Variants in CPPED1 observed in about 807,000 individuals in gnomAD.
CPPED1 encodes the protein calcineurin like phosphoesterase domain containing 1, also known as serine/threonine-protein phosphatase CPPED1.
In CPPED1, 28 loss-of-function variants were observed where a neutral mutation model predicts 28.0. The ratio of observed to expected loss-of-function variants is 1.00; its 90% confidence interval spans 0.74 to 1.37. The LOEUF (loss-of-function observed/expected upper bound fraction) is 1.37. CPPED1 is among the 40% of genes most tolerant of loss of function. The probability of loss-of-function intolerance (pLI) is 0.00; values close to 1 mark genes in which losing one functional copy is unlikely to be tolerated. For missense variants in CPPED1, 504 were observed against 416.5 expected (o/e 1.21, Z -1.83); for synonymous variants, 198 against 180.2 (o/e 1.10, Z -0.79).
At chr16:12,766,920 C>T (rs774232093) in intron 2 of CPPED1, among the ~76,000 whole-genome samples, 6 of 152,062 alleles carry the variant, frequency 3.9e-5, no homozygotes, top group Non-Finnish European at 5.9e-5. Context: ...CTGCTATGAG[C>T]GACAGCATTC....
chr16:12,714,815 A>T (rs541270125), intron 2 of CPPED1, among the ~76,000 whole-genome samples: 4 of 152,028 alleles, frequency 2.6e-5, no homozygotes, highest in Admixed American at 6.6e-5. Context: ...CAATTTATCT[A>T]TTTTCTGTTT....
At chr16:12,722,307 C>A (rs1485368946) in intron 2 of CPPED1, among the ~76,000 whole-genome samples, 1 of 152,224 alleles carries the variant, frequency 6.6e-6, no homozygotes, top group Non-Finnish European at 1.5e-5. Context: ...ATATCGCCCT[C>A]AGGTAAGTAG....
intron 2 of CPPED1, among the ~76,000 whole-genome samples, chr16:12,771,490 A>G (rs535411708): frequency 5.9e-5 from 9 of 152,300 alleles, no homozygotes; most frequent in African/African-American, 2.2e-4. Context: ...ACACACCCCC[A>G]CTGCCCTTTA....
chr16:12,724,864 G>A (rs966814336), intron 2 of CPPED1, among the ~76,000 whole-genome samples: 1 of 151,784 alleles, frequency 6.6e-6, no homozygotes, highest in Admixed American at 6.6e-5. Context: ...TCGGCTCACC[G>A]CAAGCTCAGC....
chr16:12,788,513 G>C (rs1428088781), intron 1 of CPPED1, among the ~76,000 whole-genome samples: 1 of 152,142 alleles, frequency 6.6e-6, no homozygotes, highest in Non-Finnish European at 1.5e-5. Context: ...GTGCTGGAAG[G>C]ACTCTCAGAG....
At chr16:12,696,438 CTTT>C (rs1180336228) in intron 3 of CPPED1, among the ~76,000 whole-genome samples, 120 of 120,706 alleles carry the variant, frequency 9.9e-4, no homozygotes, top group Non-Finnish European at 8.5e-5. Flanking sequence ...AAGTGACTTT[CTTT>C]TTTTTTTTTT....
At chr16:12,791,148 T>C (rs1467629515) in intron 1 of CPPED1, among the ~76,000 whole-genome samples, 1 of 151,752 alleles carries the variant, frequency 6.6e-6, no homozygotes, top group Non-Finnish European at 1.5e-5. Flanking sequence ...TGCTGCCCCA[T>C]CAACCCGTCC....
intron 3 of CPPED1, among the ~76,000 whole-genome samples, chr16:12,674,544 G>C (rs1300051337): frequency 6.6e-6 from 1 of 152,160 alleles, no homozygotes; most frequent in Admixed American, 6.5e-5. Flanking sequence ...GCTCCAGGTG[G>C]AGTGAAAGGA....
rs74536615 is a variant in CPPED1, at chr16:12,683,179, G to C, written c.716-18064C>G. Among the ~76,000 whole-genome samples, 1,405 of 152,306 alleles carry C rather than the reference G, an allele frequency of 9.2e-3. 57 individuals carry two copies. In the East Asian group the frequency reaches 0.12, roughly 13 times the overall value. ...CAAAACGTAAGGACCTTGGGTAAGT[G>C]AGATTCCGTTTGAATAACTGGGCCA... On this transcript the variant is annotated intron_variant, in intron 3 of 3. Coordinates refer to ENST00000381774, the MANE Select transcript of CPPED1 (RefSeq NM_018340.3).
At chr16:12,689,192 T>C (rs942250159) in intron 3 of CPPED1, among the ~76,000 whole-genome samples, 1 of 150,622 alleles carries the variant, frequency 6.6e-6, no homozygotes, top group Non-Finnish European at 1.5e-5. Flanking sequence ...AATGCCCATA[T>C]ATGATCAGCT....
chr16:12,779,323 A>G (rs1184830930), intron 2 of CPPED1, among the ~76,000 whole-genome samples: 1 of 151,760 alleles, frequency 6.6e-6, no homozygotes, highest in Non-Finnish European at 1.5e-5. Flanking sequence ...GACTCAAGTG[A>G]TCCTCCCACT....
At chr16:12,719,104 T>C (rs2080123871) in intron 2 of CPPED1, among the ~76,000 whole-genome samples, 1 of 151,610 alleles carries the variant, frequency 6.6e-6, no homozygotes, top group African/African-American at 2.4e-5. Context: ...TATAAAACCA[T>C]CAGATCTCCT....
At chr16:12,783,550 C>A (rs894605363) in intron 1 of CPPED1, among the ~76,000 whole-genome samples, 2 of 151,750 alleles carry the variant, frequency 1.3e-5, no homozygotes, top group African/African-American at 4.8e-5. Context: ...TAGGAAAGGC[C>A]TCTCTGAAGT....
chr16:12,723,670 C>G (rs2080154222), intron 2 of CPPED1, among the ~76,000 whole-genome samples: 1 of 152,124 alleles, frequency 6.6e-6, no homozygotes, highest in Non-Finnish European at 1.5e-5. Flanking sequence ...GTCCTTCCAG[C>G]CTTACAGAAA....
intron 2 of CPPED1, among the ~76,000 whole-genome samples, chr16:12,739,355 G>A (rs1394313490): frequency 6.6e-6 from 1 of 152,124 alleles, no homozygotes; most frequent in Non-Finnish European, 1.5e-5. Flanking sequence ...TGAGGCGGGT[G>A]GATCACCTGA....
chr16:12,722,406 AGAATTTCC>A (rs1209353930), intron 2 of CPPED1, among the ~76,000 whole-genome samples: 15 of 152,236 alleles, frequency 9.9e-5, no homozygotes, highest in Admixed American at 3.3e-4. Flanking sequence ...GCAATGAGGA[AGAATTTCC>A]TGCTGGAAAG....
intron 2 of CPPED1, among the ~76,000 whole-genome samples, chr16:12,767,497 G>C (rs960408843): frequency 3.9e-5 from 6 of 152,164 alleles, no homozygotes. Context: ...CCAGGTCCTT[G>C]AAGGATCTGA....
At chr16:12,678,623 C>T (rs2079889963) in intron 3 of CPPED1, among the ~76,000 whole-genome samples, 1 of 152,052 alleles carries the variant, frequency 6.6e-6, no homozygotes, top group Admixed American at 6.6e-5. Context: ...TTTGCTATTC[C>T]TAGGTATTTC....
intron 3 of CPPED1, among the ~76,000 whole-genome samples, chr16:12,694,505 T>C (rs1278961792): frequency 2.6e-5 from 4 of 152,148 alleles, no homozygotes; most frequent in African/African-American, 9.7e-5. Flanking sequence ...ACACCAGATG[T>C]AGCTTTGGCA....
Sources: gnomAD v4.1 joint callset for allele counts (sites outside exome capture counted in the v4.1 genomes callset) on GRCh38, gnomAD v4.1.1 for gene constraint, MANE v1.5 for transcripts, NCBI Gene and HGNC (gene_info 2026-07-23, HGNC 2026-07-21) for gene names.